Variants in AGBL1 observed in about 807,000 individuals in gnomAD.
The protein encoded by AGBL1 is cytosolic carboxypeptidase 4.
In AGBL1, 130 loss-of-function variants were observed where a neutral mutation model predicts 118.9. The ratio of observed to expected loss-of-function variants is 1.09; its 90% confidence interval spans 0.95 to 1.26. AGBL1 has a LOEUF of 1.26. Ranked by LOEUF, AGBL1 falls within the 50% of genes most tolerant of loss-of-function variation. AGBL1 has a pLI of 0.00. For missense variants in AGBL1, 1,584 were observed against 1,298.1 expected, an observed-to-expected ratio of 1.22 and a Z score of -3.38; for synonymous variants, 555 against 478.9, an observed-to-expected ratio of 1.16 and a Z score of -2.08.
chr15:86,560,542 A>G (rs552989546), intron 21 of AGBL1, among the ~76,000 whole-genome samples: 2 of 152,214 alleles, frequency 1.3e-5, no homozygotes, highest in East Asian at 1.9e-4. Flanking sequence ...TCTATCATTG[A>G]TGGACATTTG....
At chr15:86,085,714 GGGCT>G (rs1895600999) in intron 1 of AGBL1, among the ~76,000 whole-genome samples, 1 of 152,214 alleles carries the variant, frequency 6.6e-6, no homozygotes, top group Non-Finnish European at 1.5e-5. Flanking sequence ...CTAGGAGGAA[GGGCT>G]GGGATGAACT....
At chr15:86,732,561 T>C (rs1454949481) in intron 22 of AGBL1, among the ~76,000 whole-genome samples, 1 of 152,200 alleles carries the variant, frequency 6.6e-6, no homozygotes, top group Non-Finnish European at 1.5e-5. Flanking sequence ...AATGTGGAGA[T>C]TAAGAAAGAT....
rs182202090 is a variant in AGBL1 at position 86,659,101 on chromosome 15, A to T, written c.2995-15172A>T. ...TTTATTTCCTATTTGTCCCCCCTCCACATCCCTTTCCTAAAAAGGGTCATT... is the reference window on the plus strand; with the variant it reads ...TTTATTTCCTATTTGTCCCCCCTCCTCATCCCTTTCCTAAAAAGGGTCATT... On this transcript the variant is annotated intron_variant, in intron 21 of 22. Coordinates refer to ENST00000614907, the MANE Select transcript of AGBL1 (RefSeq NM_001386094.1). Among the ~76,000 whole-genome samples, 107 of 152,254 alleles carry T rather than the reference A, an allele frequency of 7.0e-4. 1 individual carries two copies. The highest frequency in any genetic ancestry group is 6.8e-3 in the Middle Eastern group (2 of 294).
At chr15:86,835,439 C>T (rs2079158147) in intron 22 of AGBL1, among the ~76,000 whole-genome samples, 1 of 152,104 alleles carries the variant, frequency 6.6e-6, no homozygotes, top group Non-Finnish European at 1.5e-5. Context: ...GATAATTACT[C>T]AGTGAGAGTA....
At position 86,163,056 on chromosome 15, in the gene AGBL1, C is replaced by T. The variant is rs141069761; in HGVS notation, c.488+4030C>T. Among the ~76,000 whole-genome samples, 17 of 152,366 alleles carry T rather than the reference C, an allele frequency of 1.1e-4. No homozygotes were observed. In the East Asian group the frequency reaches 3.1e-3, roughly 28 times the overall value. On this transcript the variant is annotated intron_variant, in intron 5 of 22. Transcript: ENST00000614907. Reference sequence around the variant, plus strand: ...TCTTTTCTCCTCCCTAAATTCTGTACTTCCTAAAGTAGAAATCAAATTATA... The same window carrying T: ...TCTTTTCTCCTCCCTAAATTCTGTATTTCCTAAAGTAGAAATCAAATTATA...
At chr15:86,843,990 T>C (rs1045844758) in intron 22 of AGBL1, among the ~76,000 whole-genome samples, 1 of 152,178 alleles carries the variant, frequency 6.6e-6, no homozygotes, top group African/African-American at 2.4e-5. Flanking sequence ...TCATATAATA[T>C]GTAGTCTTCT....
chr15:86,093,078 A>G (rs1443692764), intron 1 of AGBL1, among the ~76,000 whole-genome samples: 1 of 152,156 alleles, frequency 6.6e-6, no homozygotes, highest in Non-Finnish European at 1.5e-5. Context: ...CATCTAGGAT[A>G]ACAAGAACAA....
chr15:86,731,352 C>T (rs2077525299), intron 22 of AGBL1, among the ~76,000 whole-genome samples: 3 of 152,178 alleles, frequency 2.0e-5, no homozygotes, highest in Admixed American at 6.5e-5. Context: ...GCACATCCAA[C>T]ATTCTCAGAT....
chr15:86,918,446 G>C (rs1280470840), downstream of AGBL1, among the ~76,000 whole-genome samples: 1 of 151,882 alleles, frequency 6.6e-6, no homozygotes, highest in Non-Finnish European at 1.5e-5. Flanking sequence ...AGGCAAACTT[G>C]CCTTCACACT....
chr15:86,571,080 C>T (rs1039290120), intron 21 of AGBL1, among the ~76,000 whole-genome samples: 2 of 152,128 alleles, frequency 1.3e-5, no homozygotes, highest in African/African-American at 2.4e-5. Context: ...GTGGCTGGAC[C>T]GGCTACACCA....
At chr15:86,106,522 A>G (rs1265847511) in intron 1 of AGBL1, among the ~76,000 whole-genome samples, 1 of 152,196 alleles carries the variant, frequency 6.6e-6, no homozygotes, top group Non-Finnish European at 1.5e-5. Flanking sequence ...CAATGTCTAG[A>G]GACAATTTTG....
chr15:86,113,919 C>T (rs1897595648), intron 1 of AGBL1, among the ~76,000 whole-genome samples: 1 of 152,114 alleles, frequency 6.6e-6, no homozygotes, highest in Admixed American at 6.5e-5. Flanking sequence ...GTAATATTTG[C>T]TTATAAGATG....
At chr15:86,106,546 C>T (rs1294739024) in intron 1 of AGBL1, among the ~76,000 whole-genome samples, 3 of 152,148 alleles carry the variant, frequency 2.0e-5, no homozygotes, top group African/African-American at 7.2e-5. Context: ...TTCATAATGG[C>T]GAGGGATGCT....
chr15:86,246,482 G>C (rs2078723452), intron 6 of AGBL1, among the ~76,000 whole-genome samples: 1 of 152,170 alleles, frequency 6.6e-6, no homozygotes, highest in African/African-American at 2.4e-5. Flanking sequence ...GGACTGGGCA[G>C]TTTAAAGAAA....
Position 86,988,088 on chromosome 15 carries a change from C to CGTGAGTAT in AGBL1, c.3323+3_3323+10dup. ...ATGAACCTTCTTCTGCATGTCTCCC[C>CGTGAGTAT]GTGAGTATGTCAGTTTCCTGATTGT... On this transcript the variant is annotated stop_gained and frameshift_variant and splice_region_variant. Coordinates refer to the AGBL1 transcript ENST00000441037. LOFTEE classifies it high-confidence loss of function. 6.2e-7 allele frequency: 1 copy of CGTGAGTAT among 1,613,292 alleles called. No individual in the cohort carries two copies. The highest frequency in any genetic ancestry group is 8.5e-7 in the Non-Finnish European group (1 of 1,179,584).
In AGBL1 at chr15:86,815,550, C is replaced by A. The variant is rs1300175149; in HGVS notation, c.3159-91537C>A. The stretch of plus-strand genomic sequence containing the variant: ...GTCAGGATCACCACATTGATGAAAA[C>A]TGCACATTATCAGGAGTTATTGAAG... On this transcript the variant is annotated intron_variant, in intron 22 of 22. Coordinates refer to ENST00000614907, the MANE Select transcript of AGBL1 (RefSeq NM_001386094.1). Among the ~76,000 whole-genome samples, 4 of 152,246 alleles carry A rather than the reference C, an allele frequency of 2.6e-5. No homozygotes were observed. In the East Asian group the frequency reaches 7.7e-4, roughly 29 times the overall value.
chr15:86,308,598 G>C (rs151147102), intron 17 of AGBL1, among the ~76,000 whole-genome samples: 1 of 152,260 alleles, frequency 6.6e-6, no homozygotes, highest in East Asian at 1.9e-4. Context: ...GTTGATTTTT[G>C]TATATGGTGT....
rs901358806 is a variant in AGBL1 at position 86,236,617 on chromosome 15, T to A, written c.527-11054T>A. Among the ~76,000 whole-genome samples the A allele has an allele frequency of 7.9e-5, 12 of 151,928 alleles. 1 individual carries two copies. Among genetic ancestry groups the A allele is most frequent in the African/African-American group, 2.9e-4 (12 of 41,340 alleles). On this transcript the variant is annotated intron_variant, in intron 6 of 22. Coordinates refer to ENST00000614907, the MANE Select transcript of AGBL1 (RefSeq NM_001386094.1). ...CCAGGATCCTTAGTCTCGGGCCGAA[T>A]TGGATAAAACGACATGAACACACAT... is the stretch of plus-strand genomic sequence containing the variant.
intron 5 of AGBL1, among the ~76,000 whole-genome samples, chr15:86,210,436 T>C (rs549318966): frequency 2.0e-5 from 3 of 152,368 alleles, no homozygotes; most frequent in African/African-American, 7.2e-5. Flanking sequence ...ATTCTCCCTG[T>C]CACTTTCAGG....
Sources: allele counts gnomAD v4.1 joint callset (sites outside exome capture counted in the v4.1 genomes callset), GRCh38; gene constraint gnomAD v4.1.1; transcripts MANE v1.5; gene names NCBI Gene and HGNC (gene_info 2026-07-23, HGNC 2026-07-21).